The following PPFIA1 variants were observed in gnomAD, a reference collection of about 807,000 sequenced individuals.
The protein encoded by PPFIA1 is PPFI scaffold protein A1.
A neutral mutation model predicts 149.9 loss-of-function variants in PPFIA1; 25 were observed. The observed-to-expected ratio is 0.17, with a 90% CI of 0.12 to 0.23. The LOEUF (loss-of-function observed/expected upper bound fraction) is 0.23, where lower values mean the gene tolerates loss of function less well. Ranked by LOEUF, PPFIA1 falls within the 10% of genes least tolerant of loss-of-function variation. The probability of loss-of-function intolerance (pLI) is 1.00; values close to 1 mark genes in which losing one functional copy is unlikely to be tolerated. For synonymous variants in PPFIA1, 549 were observed against 552.8 expected (o/e 0.99, Z 0.10); for missense variants, 1,362 against 1,506.5 (o/e 0.90, Z 1.59).
chr11:70,372,523 G>T lies in PPFIA1; in HGVS notation c.3088G>T (p.Asp1030Tyr). 4 of 1,613,816 alleles carry T rather than the reference G, an allele frequency of 2.5e-6. No homozygotes were observed. In the South Asian group the frequency reaches 4.4e-5, roughly 18 times the overall value. ...TATGTGCCTGAGAAGGTTAAATTAT[G>T]ACCGGAAAGAACTGGAAAGAAAAAG... The part of the protein sequence containing the change: ...GIMCLRRLNY[D>Y]RKELERKREE... Residue 1030 changes from aspartate to tyrosine, a missense_variant, in exon 23 of 28, where the codon GAC becomes TAC. Asp to Tyr is a radical substitution (Grantham distance 160). Coordinates refer to ENST00000253925, the MANE Select transcript of PPFIA1 (RefSeq NM_003626.5).
chr11:70,353,065 A>G (rs2056164026), intron 16 of PPFIA1, among the ~76,000 whole-genome samples: 1 of 152,198 alleles, frequency 6.6e-6, no homozygotes, highest in Non-Finnish European at 1.5e-5. Context: ...TTAGGAAAGG[A>G]TGCAGGATTC....
At chr11:70,296,656 T>A (rs2052049055) in intron 2 of PPFIA1, among the ~76,000 whole-genome samples, 1 of 148,786 alleles carries the variant, frequency 6.7e-6, no homozygotes, top group South Asian at 2.2e-4. Flanking sequence ...CGGCTCAGCA[T>A]CAGAGGGAGA....
At chr11:70,305,008 C>T (rs1051470816) in intron 2 of PPFIA1, among the ~76,000 whole-genome samples, 1 of 152,152 alleles carries the variant, frequency 6.6e-6, no homozygotes, top group Non-Finnish European at 1.5e-5. Flanking sequence ...TTTTGATTGT[C>T]CCATCACTGC....
At chr11:70,367,698 G>C (rs1020284883) in intron 21 of PPFIA1, 12 of 440,642 alleles carry the variant, frequency 2.7e-5, no homozygotes, top group South Asian at 1.8e-4. Flanking sequence ...AGGAGTCTGA[G>C]CAGAGCATAT....
chr11:70,293,746 A>T (rs1395229318), intron 2 of PPFIA1, among the ~76,000 whole-genome samples: 23 of 152,128 alleles, frequency 1.5e-4, no homozygotes, highest in Admixed American at 1.4e-3. Flanking sequence ...CCATAGGTAA[A>T]ACCATGCAGA....
chr11:70,279,146 G>T, intron 2 of PPFIA1: 1 of 543,932 alleles, frequency 1.8e-6, no homozygotes, highest in South Asian at 2.0e-5. Context: ...TATTCACAGC[G>T]GCAGTCGCGC....
chr11:70,343,245 C>T (rs186218271), intron 14 of PPFIA1, among the ~76,000 whole-genome samples: 5 of 152,340 alleles, frequency 3.3e-5, no homozygotes, highest in Admixed American at 2.0e-4. Context: ...CCACGCCTGG[C>T]GTGTATCACC....
intron 19 of PPFIA1, among the ~76,000 whole-genome samples, chr11:70,356,455 A>G (rs561848399): frequency 3.3e-5 from 5 of 152,320 alleles, no homozygotes; most frequent in South Asian, 2.1e-4. Flanking sequence ...TGGTATCCCT[A>G]TCATCTTGGA....
At chr11:70,278,932 C>A in intron 2 of PPFIA1, 1 of 611,824 alleles carries the variant, frequency 1.6e-6, no homozygotes, top group East Asian at 3.9e-5. Flanking sequence ...TGCTGTTGTC[C>A]TTTCTTCCCA....
chr11:70,362,509 T>A, intron 21 of PPFIA1, 21 bp downstream of exon 21: 1 of 1,554,164 alleles, frequency 6.4e-7, no homozygotes, highest in East Asian at 2.3e-5. Flanking sequence ...AGACAACCCC[T>A]GCATTCTTTG....
chr11:70,365,847 C>G, intron 21 of PPFIA1: 1 of 424,130 alleles, frequency 2.4e-6, no homozygotes. Flanking sequence ...CTCAGTGAAG[C>G]TGCATCTTCC....
At chr11:70,292,664 T>C (rs1252423023) in intron 2 of PPFIA1, among the ~76,000 whole-genome samples, 1 of 152,128 alleles carries the variant, frequency 6.6e-6, no homozygotes, top group African/African-American at 2.4e-5. Flanking sequence ...AGCCTCTTTA[T>C]AGGAATGAGC....
At chr11:70,358,797 G>A (rs1264857275) in intron 19 of PPFIA1, 1 of 152,190 alleles carries the variant, frequency 6.6e-6, no homozygotes, top group South Asian at 2.1e-4. Flanking sequence ...GGCGCGTTTG[G>A]TGCCTGGGAT....
chr11:70,286,928 A>G (rs2136159074), intron 2 of PPFIA1, among the ~76,000 whole-genome samples: 1 of 135,330 alleles, frequency 7.4e-6, no homozygotes, highest in Non-Finnish European at 1.5e-5. Context: ...ACACACATAT[A>G]TATACACATA....
chr11:70,378,456 T>G, intron 26 of PPFIA1: 2 of 1,189,138 alleles, frequency 1.7e-6, no homozygotes, highest in Non-Finnish European at 2.1e-6. Flanking sequence ...AGTATTCGTC[T>G]GTGTTCTCAG....
intron 6 of PPFIA1, 69 bp downstream of exon 6, chr11:70,326,432 G>A: frequency 7.0e-7 from 1 of 1,420,532 alleles, no homozygotes. Context: ...GGGTTATGTG[G>A]AAAACAGTTG....
At chr11:70,288,614 G>C (rs2051314330) in intron 2 of PPFIA1, among the ~76,000 whole-genome samples, 1 of 152,206 alleles carries the variant, frequency 6.6e-6, no homozygotes. Context: ...TCCGTGTACA[G>C]TGATGAACAG....
chr11:70,342,936 C>CTTTTTTTTTTTTTTTT (rs71463672), intron 14 of PPFIA1, among the ~76,000 whole-genome samples: 1 of 78,172 alleles, frequency 1.3e-5, no homozygotes, highest in African/African-American at 6.2e-5. Flanking sequence ...AATGTACCAC[C>CTTTTTTTTTTTTTTTT]TTTTTTTTTT....
At chr11:70,378,711 G>A (rs2057586589) in intron 26 of PPFIA1, 1 of 155,036 alleles carries the variant, frequency 6.5e-6, no homozygotes, top group Non-Finnish European at 1.4e-5. Context: ...TTAGAGGGCA[G>A]GGAAGGGAGG....
Sources: allele counts gnomAD v4.1 joint callset (sites outside exome capture counted in the v4.1 genomes callset), GRCh38; gene constraint gnomAD v4.1.1; transcripts MANE v1.5; gene names NCBI Gene and HGNC (gene_info 2026-07-23, HGNC 2026-07-21).